DOCK3: variants seen among roughly 807,000 people sequenced by gnomAD.
DOCK3 encodes the protein dedicator of cytokinesis 3, also known as dedicator of cytokinesis protein 3.
A neutral mutation model predicts 265.6 loss-of-function variants in DOCK3; 60 were observed. The ratio of observed to expected loss-of-function variants is 0.23; its 90% CI spans 0.18 to 0.28. The LOEUF (loss-of-function observed/expected upper bound fraction) is 0.28. Among genes scored for constraint, DOCK3 ranks in the 10% least tolerant of loss-of-function variants. The pLI is 1.00. For missense variants in DOCK3, 1,981 were observed against 2,594.3 expected, an observed-to-expected ratio of 0.76 and a Z score of 5.14; for synonymous variants, 881 against 938.0, an observed-to-expected ratio of 0.94 and a Z score of 1.11.
intron 2 of DOCK3, among the ~76,000 whole-genome samples, chr3:50,820,824 C>CTT (rs56022017): frequency 0.089 from 11,671 of 131,174 alleles, 718 homozygotes; most frequent in Non-Finnish European, 0.12. Context: ...TTGCTGGCAT[C>CTT]TTTTTTTTTT....
intron 12 of DOCK3, among the ~76,000 whole-genome samples, chr3:51,170,941 CAAAAAAA>C (rs146911259): frequency 5.0e-5 from 3 of 60,040 alleles, no homozygotes; most frequent in Admixed American, 1.3e-4. Context: ...GACTCCATCT[CAAAAAAA>C]AAAAAAAAAA....
At chr3:51,283,733 T>C (rs1018505745) in intron 27 of DOCK3, among the ~76,000 whole-genome samples, 6 of 152,208 alleles carry the variant, frequency 3.9e-5, no homozygotes, top group Admixed American at 6.5e-5. Flanking sequence ...ACATTGAGCA[T>C]CCCAGCTTTT....
At chr3:51,372,812 A>G (rs560842976) in intron 49 of DOCK3, among the ~76,000 whole-genome samples, 61 of 152,230 alleles carry the variant, frequency 4.0e-4, no homozygotes, top group Middle Eastern at 3.4e-3. Flanking sequence ...GGAAAGCACT[A>G]TATTGGTCAG....
intron 2 of DOCK3, among the ~76,000 whole-genome samples, chr3:50,840,319 C>T (rs1468318721): frequency 6.6e-6 from 1 of 152,110 alleles, no homozygotes; most frequent in Non-Finnish European, 1.5e-5. Flanking sequence ...TAGATTTTCT[C>T]CTGTGTTGTT....
intron 11 of DOCK3, among the ~76,000 whole-genome samples, chr3:51,159,579 G>C (rs2086033096): frequency 6.6e-6 from 1 of 152,026 alleles, no homozygotes; most frequent in Non-Finnish European, 1.5e-5. Context: ...ATTTAAAATG[G>C]TCTACTTCTA....
intron 17 of DOCK3, 32 bp downstream of exon 17, chr3:51,228,120 C>T (rs757571672): frequency 1.2e-6 from 2 of 1,601,846 alleles, no homozygotes; most frequent in Admixed American, 3.3e-5. Context: ...CATCCCCACC[C>T]CTTACCTGCC....
At chr3:50,846,912 CT>C (rs1314369956) in intron 3 of DOCK3, among the ~76,000 whole-genome samples, 4 of 151,938 alleles carry the variant, frequency 2.6e-5, no homozygotes, top group Non-Finnish European at 5.9e-5. Context: ...TCTCTTTTTT[CT>C]TTCTTAATCT....
chr3:50,717,012 C>T (rs1204397217), intron 1 of DOCK3, among the ~76,000 whole-genome samples: 3 of 152,178 alleles, frequency 2.0e-5, no homozygotes, highest in Non-Finnish European at 1.5e-5. Flanking sequence ...GCTATATTCA[C>T]TGTTCAGCGA....
At chr3:51,044,814 C>G (rs1013418581) in intron 5 of DOCK3, among the ~76,000 whole-genome samples, 1 of 152,114 alleles carries the variant, frequency 6.6e-6, no homozygotes, top group Non-Finnish European at 1.5e-5. Context: ...CATGAACCAA[C>G]CTCTTTTAGC....
chr3:51,286,696 T>C (rs2081425501), intron 27 of DOCK3, among the ~76,000 whole-genome samples: 1 of 151,896 alleles, frequency 6.6e-6, no homozygotes, highest in African/African-American at 2.4e-5. Flanking sequence ...TACAACAAAG[T>C]TGACAAAAAC....
intron 27 of DOCK3, among the ~76,000 whole-genome samples, chr3:51,284,618 G>T (rs990833761): frequency 3.9e-5 from 6 of 152,144 alleles, no homozygotes; most frequent in Non-Finnish European, 2.9e-5. Flanking sequence ...AATTCCAGTG[G>T]CTGCTTTATG....
At chr3:50,768,694 G>T (rs1341573979) in intron 1 of DOCK3, among the ~76,000 whole-genome samples, 1 of 152,180 alleles carries the variant, frequency 6.6e-6, no homozygotes, top group Non-Finnish European at 1.5e-5. Flanking sequence ...CTTGGCTGTT[G>T]TGAATAGTGC....
intron 1 of DOCK3, among the ~76,000 whole-genome samples, chr3:50,731,930 T>A (rs563358483): frequency 1.3e-5 from 2 of 152,146 alleles, no homozygotes; most frequent in Non-Finnish European, 2.9e-5. Flanking sequence ...AAACTCAGAT[T>A]TGCAGGCGAT....
At chr3:50,836,388 G>A (rs2045511565) in intron 2 of DOCK3, among the ~76,000 whole-genome samples, 1 of 152,228 alleles carries the variant, frequency 6.6e-6, no homozygotes, top group Non-Finnish European at 1.5e-5. Context: ...TGTCTTCTGT[G>A]TAGGGCCAAT....
At chr3:50,968,280 A>C (rs1057431648) in intron 5 of DOCK3, among the ~76,000 whole-genome samples, 2 of 150,682 alleles carry the variant, frequency 1.3e-5, no homozygotes, top group Admixed American at 6.6e-5. Flanking sequence ...AATCCTCCCA[A>C]CTCAGTCTCT....
chr3:50,827,154 T>C (rs561829067), intron 2 of DOCK3, among the ~76,000 whole-genome samples: 6 of 152,140 alleles, frequency 3.9e-5, no homozygotes, highest in African/African-American at 9.7e-5. Flanking sequence ...CAGACTGACA[T>C]TGGATTTTAA....
At chr3:51,277,013 C>G (rs1383227243) in intron 25 of DOCK3, among the ~76,000 whole-genome samples, 3 of 152,134 alleles carry the variant, frequency 2.0e-5, no homozygotes, top group African/African-American at 4.8e-5. Flanking sequence ...CAAATGGACC[C>G]TGTAACACGA....
chr3:51,127,849 T>C (rs1211922593), intron 9 of DOCK3, among the ~76,000 whole-genome samples: 3 of 152,228 alleles, frequency 2.0e-5, no homozygotes, highest in African/African-American at 4.8e-5. Context: ...CCTGCCTTCA[T>C]TGGGCTGTTG....
chr3:51,007,606 C>T (rs577828049), intron 5 of DOCK3, among the ~76,000 whole-genome samples: 2 of 152,224 alleles, frequency 1.3e-5, no homozygotes, highest in South Asian at 4.1e-4. Flanking sequence ...TTTTGCTGTG[C>T]AGAAGCTCTT....
Sources: allele counts gnomAD v4.1 joint callset (sites outside exome capture counted in the v4.1 genomes callset), GRCh38; gene constraint gnomAD v4.1.1; transcripts MANE v1.5; gene names NCBI Gene and HGNC (gene_info 2026-07-23, HGNC 2026-07-21).